MYEF2: variants seen among roughly 807,000 people sequenced by gnomAD.
MYEF2 encodes the protein myelin expression factor 2.
Under a neutral mutation model 75.2 loss-of-function variants are expected in MYEF2, and 37 were observed. The ratio of observed to expected loss-of-function variants is 0.49; its 90% confidence interval spans 0.38 to 0.65. MYEF2 has a LOEUF of 0.65. Among genes scored for constraint, MYEF2 ranks in the 30% least tolerant of loss-of-function variants. MYEF2 has a pLI of 0.00. For synonymous variants in MYEF2, 195 were observed against 241.6 expected, an observed-to-expected ratio of 0.81 and a Z score of 1.79; for missense variants, 634 against 771.4, an observed-to-expected ratio of 0.82 and a Z score of 2.11.
At chr15:48,177,601 C>T (rs931143761) in intron 1 of MYEF2, among the ~76,000 whole-genome samples, 3 of 151,838 alleles carry the variant, frequency 2.0e-5, no homozygotes, top group Non-Finnish European at 4.4e-5. Flanking sequence ...AAACACTAAA[C>T]TTGTGAAGCT....
intron 9 of MYEF2, among the ~76,000 whole-genome samples, chr15:48,155,165 C>G (rs1457112468): frequency 6.6e-6 from 1 of 151,716 alleles, no homozygotes; most frequent in Non-Finnish European, 1.5e-5. Flanking sequence ...CTAAGCCCAG[C>G]AATAACACCC....
intron 1 of MYEF2, 81 bp downstream of exon 1, chr15:48,177,996 C>A: frequency 1.3e-6 from 2 of 1,502,552 alleles, no homozygotes; most frequent in Non-Finnish European, 9.0e-7. Flanking sequence ...TGTCCCCCAT[C>A]GGGGCACAGC....
chr15:48,175,703 C>A (rs1013067764), intron 1 of MYEF2, among the ~76,000 whole-genome samples: 1 of 151,916 alleles, frequency 6.6e-6, no homozygotes, highest in Non-Finnish European at 1.5e-5. Flanking sequence ...TTTATAGTAC[C>A]CTAATATAAC....
chr15:48,159,602 C>T lies in MYEF2; in HGVS notation c.717+11G>A. ...CTGAATGACAAATTTTAGACTAAAG[C>T]TTGAACTTACATTGGCAACAAAAAT... On this transcript the variant is annotated intron_variant, in intron 6 of 16. Coordinates refer to ENST00000324324, the MANE Select transcript of MYEF2 (RefSeq NM_016132.5). The T allele has an allele frequency of 1.2e-6, 2 of 1,608,430 alleles. No individual in the cohort carries two copies. Among genetic ancestry groups the T allele is most frequent in the South Asian group, 1.1e-5 (1 of 89,970 alleles).
intron 1 of MYEF2, among the ~76,000 whole-genome samples, chr15:48,174,795 G>C (rs1373461163): frequency 6.6e-6 from 1 of 152,076 alleles, no homozygotes; most frequent in Non-Finnish European, 1.5e-5. Context: ...GATAGCAACT[G>C]TTGCTGAGGA....
chr15:48,155,769 T>C (rs1448579002), intron 9 of MYEF2, among the ~76,000 whole-genome samples: 1 of 113,338 alleles, frequency 8.8e-6, no homozygotes, highest in Non-Finnish European at 1.7e-5. Context: ...GAAATCATAA[T>C]GGTAATTTTT....
chr15:48,144,266 A>G lies in MYEF2; in HGVS notation c.1640-1195T>C, dbSNP rs1254154268. Among the ~76,000 whole-genome samples the G allele has an allele frequency of 2.6e-5, 4 of 152,156 alleles. No individual in the cohort carries two copies. The East Asian group carries it at 7.7e-4, about 29-fold the overall frequency. On this transcript the variant is annotated intron_variant, in intron 16 of 16. Coordinates refer to ENST00000324324, the MANE Select transcript of MYEF2 (RefSeq NM_016132.5). ...TAAGATCAAACTTTAATATCAATCC[A>G]TAAGGAAGATTTTTTTCTGTTGAAA...
intron 7 of MYEF2, among the ~76,000 whole-genome samples, 162 bp downstream of exon 7, chr15:48,158,607 C>T (rs2039802000): frequency 6.6e-6 from 1 of 152,144 alleles, no homozygotes; most frequent in Non-Finnish European, 1.5e-5. Flanking sequence ...TTAAGAGTGA[C>T]TTTAATACTT....
At chr15:48,158,084 T>A (rs910981416) in intron 8 of MYEF2, 28 bp from the exon 9 acceptor site, 3 of 1,612,068 alleles carry the variant, frequency 1.9e-6, no homozygotes, top group Non-Finnish European at 2.5e-6. Flanking sequence ...TATAATATGG[T>A]TAACATATTA....
rs915911250 is a variant in MYEF2, at chr15:48,140,551, CATATGT to C, written c.*2351_*2356del. On this transcript the variant is annotated 3_prime_UTR_variant, in exon 17 of 17. Transcript: ENST00000324324. ...AACAGAAGTATTAATAAATTGGGAC[CATATGT>C]TAGACTCAAGTAGAAAACAGGTTTT... 9.3e-4 allele frequency: 142 copies of C among 152,120 alleles called. 1 individual carries two copies. Among genetic ancestry groups the C allele is most frequent in the African/African-American group, 3.4e-3 (140 of 41,470 alleles). The allele number at this position is 152,120 out of a possible 1,614,324, so 9.4% of individuals were successfully genotyped here.
rs944921626 is a variant in MYEF2 at position 48,142,380 on chromosome 15, T to C, written c.*528A>G. Reference sequence around the variant, plus strand: ...TATTAATAGTGTTATGCAGAAAATATGAATGGCAGGGAGGGGCAGAGAGAA... The same window carrying C: ...TATTAATAGTGTTATGCAGAAAATACGAATGGCAGGGAGGGGCAGAGAGAA... On this transcript the variant is annotated 3_prime_UTR_variant, in exon 17 of 17. Coordinates refer to ENST00000324324, the MANE Select transcript of MYEF2 (RefSeq NM_016132.5). 5 of 1,413,608 alleles carry C rather than the reference T, an allele frequency of 3.5e-6. No individual in the cohort carries two copies. The highest frequency in any genetic ancestry group is 4.8e-6 in the Non-Finnish European group (5 of 1,045,650). 87.6% of individuals were successfully genotyped at this position (1,413,608 alleles called of 1,614,324 possible). A position where few individuals can be genotyped will look rare whatever the true frequency, so the allele number is the denominator to read the frequency against.
intron 9 of MYEF2, among the ~76,000 whole-genome samples, chr15:48,155,924 G>A (rs529331031): frequency 7.4e-4 from 112 of 151,962 alleles, no homozygotes; most frequent in South Asian, 4.4e-3. Context: ...ACAGGCATGC[G>A]CCACCATGCC....
At position 48,137,709 on chromosome 15, in the gene MYEF2, C is replaced by T. The variant is rs1245117594; in HGVS notation, c.*5199G>A. The T allele has an allele frequency of 6.6e-6, 1 of 152,018 alleles. No homozygotes were observed. The highest frequency in any genetic ancestry group is 1.5e-5 in the Non-Finnish European group (1 of 68,006). The allele number at this position is 152,018 out of a possible 1,614,324, so 9.4% of individuals were successfully genotyped here. On this transcript the variant is annotated 3_prime_UTR_variant, in exon 17 of 17. Transcript: ENST00000324324. ...ATGGGGCCAGAAAAAGGAACAAAGA[C>T]ACCTCCTATGTTTTAATCTTGACTG... is the stretch of plus-strand genomic sequence containing the variant.
intron 2 of MYEF2, among the ~76,000 whole-genome samples, chr15:48,168,164 C>T (rs1244386252): frequency 6.6e-6 from 1 of 151,912 alleles, no homozygotes; most frequent in Admixed American, 6.6e-5. Flanking sequence ...TTTAGAACTG[C>T]AAAGACAGCA....
intron 1 of MYEF2, 29 bp downstream of exon 1, chr15:48,178,048 G>C: frequency 1.3e-6 from 2 of 1,577,234 alleles, no homozygotes; most frequent in Non-Finnish European, 1.7e-6. Flanking sequence ...CCCCCACCTC[G>C]CCCCGGTTCC....
rs376222930 is a variant in MYEF2, at chr15:48,139,044, C to T, written c.*3864G>A. The T allele has an allele frequency of 1.5e-5, 24 of 1,613,024 alleles. No homozygotes were observed. In the African/African-American group the frequency reaches 2.5e-4, roughly 17 times the overall value. ...TGGGTATTATCCCTTCCTATTATTA[C>T]ATTACTTTTTCTAACCACACCAGAT... On this transcript the variant is annotated 3_prime_UTR_variant, in exon 17 of 17. Transcript: ENST00000324324.
In MYEF2 at chr15:48,140,836, G is replaced by A. The variant is rs534327604; in HGVS notation, c.*2072C>T. ...ATAATGGTGGACATAAACATCTTTT[G>A]TAAGAATATCAAACAGGAAAATTTC... On this transcript the variant is annotated 3_prime_UTR_variant, in exon 17 of 17. Coordinates refer to ENST00000324324, the MANE Select transcript of MYEF2 (RefSeq NM_016132.5). 1.5e-5 allele frequency: 5 copies of A among 325,288 alleles called. No individual in the cohort carries two copies. Among genetic ancestry groups the A allele is most frequent in the Non-Finnish European group, 2.9e-5 (5 of 171,442 alleles). The allele number at this position is 325,288 out of a possible 1,614,324, so 20.2% of individuals were successfully genotyped here.
chr15:48,135,337 T>C lies in MYEF2; in HGVS notation c.*7571A>G, dbSNP rs2140732935. 5.7e-6 allele frequency: 1 copy of C among 174,224 alleles called. No individual in the cohort carries two copies. Among genetic ancestry groups the C allele is most frequent in the South Asian group, 1.4e-4 (1 of 6,924 alleles). 10.8% of individuals were successfully genotyped at this position (174,224 alleles called of 1,614,324 possible). On this transcript the variant is annotated 3_prime_UTR_variant, in exon 17 of 17. Coordinates refer to ENST00000324324, the MANE Select transcript of MYEF2 (RefSeq NM_016132.5). Reference sequence around the variant, plus strand: ...TGCTGGGTTACTGCTCACCTTGCCTTGGTTAGAAGTGTTCATGGCCACAAA... The same window carrying C: ...TGCTGGGTTACTGCTCACCTTGCCTCGGTTAGAAGTGTTCATGGCCACAAA...
intron 5 of MYEF2, among the ~76,000 whole-genome samples, chr15:48,164,641 G>C (rs2040070737): frequency 6.6e-6 from 1 of 152,074 alleles, no homozygotes; most frequent in African/African-American, 2.4e-5. Context: ...AGACTCAACT[G>C]ATACAGCAAA....
Sources: gnomAD v4.1 joint callset for allele counts (sites outside exome capture counted in the v4.1 genomes callset) on GRCh38, gnomAD v4.1.1 for gene constraint, MANE v1.5 for transcripts, NCBI Gene and HGNC (gene_info 2026-07-23, HGNC 2026-07-21) for gene names.